Variants in DHX32 observed in about 807,000 individuals in gnomAD.
DHX32 encodes the protein DEAH-box helicase 32 (putative).
Under a neutral mutation model 70.0 loss-of-function variants are expected in DHX32, and 51 were observed. The ratio of observed to expected loss-of-function variants is 0.73; its 90% CI spans 0.58 to 0.92. The LOEUF (loss-of-function observed/expected upper bound fraction) is 0.92, where lower values mean the gene tolerates loss of function less well. DHX32 is among the 40% of genes least tolerant of loss of function. DHX32 has a pLI of 0.00. For missense variants in DHX32, 762 were observed against 891.8 expected (o/e 0.85, Z 1.85); for synonymous variants, 310 against 315.3 (o/e 0.98, Z 0.18).
intron 6 of DHX32, 152 bp from the exon 7 acceptor site, chr10:125,842,086 G>A (rs1854897619): frequency 9.6e-7 from 1 of 1,036,606 alleles, no homozygotes; most frequent in Admixed American, 3.7e-5. Flanking sequence ...AGGGAGTGAA[G>A]GATAGTGATT....
At chr10:125,841,681 G>A (rs532560567) in intron 7 of DHX32, 62 bp downstream of exon 7, 6 of 1,569,984 alleles carry the variant, frequency 3.8e-6, no homozygotes, top group South Asian at 1.2e-5. Flanking sequence ...AAATGGATCC[G>A]ATCTAAATCT....
upstream of DHX32, among the ~76,000 whole-genome samples, chr10:125,884,664 C>A (rs1442115435): frequency 2.0e-5 from 3 of 152,174 alleles, no homozygotes; most frequent in African/African-American, 7.2e-5. Context: ...GGCTCTGGTC[C>A]AGTAATTCTA....
chr10:125,855,132 G>C (rs1944134843), intron 3 of DHX32, among the ~76,000 whole-genome samples: 1 of 150,152 alleles, frequency 6.7e-6, no homozygotes, highest in Non-Finnish European at 1.5e-5. Flanking sequence ...TGAGGCAGGA[G>C]AATCACTTGA....
chr10:125,855,501 T>C (rs1032878468), intron 3 of DHX32, among the ~76,000 whole-genome samples: 1 of 145,500 alleles, frequency 6.9e-6, no homozygotes, highest in Non-Finnish European at 1.5e-5. Context: ...CAGGCTGGAG[T>C]GCAGTGGCCC....
intron 6 of DHX32, among the ~76,000 whole-genome samples, chr10:125,850,175 T>A (rs903579580): frequency 6.6e-6 from 1 of 151,052 alleles, no homozygotes; most frequent in African/African-American, 2.4e-5. Flanking sequence ...TGGGGTCTTG[T>A]TATATTGCCC....
chr10:125,876,899 T>C (rs978772323), intron 1 of DHX32, among the ~76,000 whole-genome samples: 9 of 152,216 alleles, frequency 5.9e-5, no homozygotes, highest in African/African-American at 1.9e-4. Context: ...GATATCAACA[T>C]TACATTCCAG....
chr10:125,843,907 C>G (rs919878081), intron 6 of DHX32, among the ~76,000 whole-genome samples: 8 of 152,206 alleles, frequency 5.3e-5, no homozygotes, highest in African/African-American at 1.9e-4. Flanking sequence ...AGTACTGAAG[C>G]AAGGCTTTCA....
At chr10:125,838,734 G>A (rs372100185) in intron 9 of DHX32, among the ~76,000 whole-genome samples, 31 of 152,122 alleles carry the variant, frequency 2.0e-4, no homozygotes, top group Non-Finnish European at 4.1e-4. Flanking sequence ...TGTGTAGCAC[G>A]CAATGACCCT....
chr10:125,855,889 G>T (rs1203263915), intron 3 of DHX32, among the ~76,000 whole-genome samples: 5 of 152,170 alleles, frequency 3.3e-5, no homozygotes, highest in Non-Finnish European at 7.3e-5. Flanking sequence ...TCGGTCTAAT[G>T]CTCTCTCACT....
chr10:125,855,454 T>G (rs1022641158), intron 3 of DHX32, among the ~76,000 whole-genome samples: 4 of 146,214 alleles, frequency 2.7e-5, no homozygotes, highest in East Asian at 2.0e-4. Flanking sequence ...AACTGTTTTT[T>G]TTTTTTTTTT....
intron 1 of DHX32, among the ~76,000 whole-genome samples, chr10:125,889,543 T>G (rs1180229741): frequency 2.0e-5 from 3 of 152,302 alleles, no homozygotes; most frequent in Admixed American, 6.5e-5. Flanking sequence ...AACTGCTTCC[T>G]ACACTGAAGA....
intron 9 of DHX32, among the ~76,000 whole-genome samples, chr10:125,838,650 T>A (rs576574591): frequency 2.0e-5 from 3 of 152,126 alleles, no homozygotes; most frequent in African/African-American, 7.2e-5. Flanking sequence ...GTTTTGGCCA[T>A]GAGATGAAAC....
intron 3 of DHX32, among the ~76,000 whole-genome samples, chr10:125,855,931 T>A (rs1944143892): frequency 6.6e-6 from 1 of 152,240 alleles, no homozygotes. Flanking sequence ...AAGTTGGTTC[T>A]AATGTTGAAT....
chr10:125,848,185 G>C (rs1397241197), intron 6 of DHX32, among the ~76,000 whole-genome samples: 1 of 152,126 alleles, frequency 6.6e-6, no homozygotes, highest in Non-Finnish European at 1.5e-5. Flanking sequence ...ATGAAGAGAT[G>C]GTGTAGACCC....
At chr10:125,850,305 C>T (rs1219900251) in intron 6 of DHX32, among the ~76,000 whole-genome samples, 1 of 151,510 alleles carries the variant, frequency 6.6e-6, no homozygotes, top group Non-Finnish European at 1.5e-5. Context: ...CCTCTTTTCA[C>T]CAGAGCCATC....
intron 1 of DHX32, among the ~76,000 whole-genome samples, chr10:125,890,194 T>C (rs1944362249): frequency 6.6e-6 from 1 of 152,312 alleles, no homozygotes; most frequent in Admixed American, 6.5e-5. Context: ...TATAGATAGA[T>C]TTGTAAATCT....
chr10:125,852,193 T>TCA, intron 6 of DHX32, 100 bp downstream of exon 6: 1 of 1,419,458 alleles, frequency 7.0e-7, no homozygotes, highest in Non-Finnish European at 9.5e-7. Context: ...CCTCCATGCT[T>TCA]GTGTGCATTG....
At chr10:125,871,858 T>C (rs938291067) in intron 1 of DHX32, among the ~76,000 whole-genome samples, 3 of 137,614 alleles carry the variant, frequency 2.2e-5, no homozygotes, top group African/African-American at 8.4e-5. Context: ...GTTCTGCTTC[T>C]TTTCTTTTTT....
Position 125,867,023 on chromosome 10 carries a change from A to G in DHX32, c.443T>C (p.Phe148Ser), listed in dbSNP as rs1363648826. The G allele has an allele frequency of 1.2e-6, 2 of 1,614,222 alleles. No individual in the cohort carries two copies. The highest frequency in any genetic ancestry group is 1.7e-6 in the Non-Finnish European group (2 of 1,180,026). The change falls in exon 2 of 11, where the codon TTC becomes TCC. Residue 148 changes from phenylalanine (F) to serine (S), a missense_variant. Physicochemically the swap from Phe to Ser is radical, Grantham distance 155. Transcript: ENST00000284690. ...TGTTTCGTTGGTACAGCAGTTCTCG[A>G]AAGGGATCACGTAGCCAACCTCATG... ...IGHEVGYVIP[F>S]ENCCTNETIL...
Sources: gnomAD v4.1 joint callset for allele counts (sites outside exome capture counted in the v4.1 genomes callset) on GRCh38, gnomAD v4.1.1 for gene constraint, MANE v1.5 for transcripts, NCBI Gene and HGNC (gene_info 2026-07-23, HGNC 2026-07-21) for gene names.